The following PARD3 variants were observed in gnomAD, a reference collection of about 807,000 sequenced individuals.
PARD3 encodes the protein par-3 family cell polarity regulator.
A neutral mutation model predicts 155.4 loss-of-function variants in PARD3; 75 were observed. The observed-to-expected ratio is 0.48, with a 90% confidence interval of 0.40 to 0.58. The LOEUF (loss-of-function observed/expected upper bound fraction) is 0.58. Among genes scored for constraint, PARD3 ranks in the 20% least tolerant of loss-of-function variants. PARD3 has a pLI of 0.00. For synonymous variants in PARD3, 576 were observed against 610.5 expected (o/e 0.94, Z 0.83); for missense variants, 1,642 against 1,721.7 (o/e 0.95, Z 0.82).
intron 22 of PARD3, among the ~76,000 whole-genome samples, chr10:34,170,405 C>T (rs974783219): frequency 7.2e-5 from 11 of 152,142 alleles, no homozygotes; most frequent in African/African-American, 2.4e-4. Context: ...CTTCTTCAGT[C>T]ATGGATCTAT....
chr10:34,711,921 C>T (rs2094454682), intron 1 of PARD3, among the ~76,000 whole-genome samples: 2 of 152,144 alleles, frequency 1.3e-5, no homozygotes, highest in Admixed American at 6.5e-5. Flanking sequence ...GGAAACATTT[C>T]AGATGTGGGG....
At chr10:34,389,508 G>A (rs2132069864) in intron 7 of PARD3, among the ~76,000 whole-genome samples, 1 of 152,272 alleles carries the variant, frequency 6.6e-6, no homozygotes, top group East Asian at 1.9e-4. Flanking sequence ...AGTAACAAAT[G>A]TTTTATTGAC....
chr10:34,382,705 G>A lies in PARD3; in HGVS notation c.1234C>T (p.Pro412Ser). Residue 412 changes from proline to serine, a missense_variant, in exon 9 of 25, where the codon CCT becomes TCT. By Grantham distance (74) the Pro-to-Ser change is moderately conservative. Transcript: ENST00000374788. ...VQRAPRLNHP[P>S]EQIDSHSRLP... ...CTTGAGTGAGAGTCTATCTGCTCAG[G>A]CGGGTGGTTCAGTCGGGGTGCTCTC... 6.2e-7 allele frequency: 1 copy of A among 1,614,168 alleles called. No homozygotes were observed. Among genetic ancestry groups the A allele is most frequent in the Admixed American group, 1.7e-5 (1 of 60,016 alleles).
At chr10:34,616,473 A>C (rs1000202269) in intron 2 of PARD3, among the ~76,000 whole-genome samples, 5 of 152,248 alleles carry the variant, frequency 3.3e-5, no homozygotes, top group African/African-American at 4.8e-5. Context: ...AAATATTGGA[A>C]TCAATCTAAG....
At chr10:34,454,566 T>C (rs1182489298) in intron 4 of PARD3, among the ~76,000 whole-genome samples, 1 of 152,152 alleles carries the variant, frequency 6.6e-6, no homozygotes, top group African/African-American at 2.4e-5. Flanking sequence ...TAAAACTTAC[T>C]AATGGCATAA....
intron 22 of PARD3, among the ~76,000 whole-genome samples, chr10:34,193,566 A>G (rs1366129747): frequency 6.6e-6 from 1 of 152,234 alleles, no homozygotes; most frequent in Non-Finnish European, 1.5e-5. Flanking sequence ...TATTATTTGC[A>G]AAGTGCATCT....
At chr10:34,713,715 A>C (rs1478811972) in intron 1 of PARD3, among the ~76,000 whole-genome samples, 1 of 151,902 alleles carries the variant, frequency 6.6e-6, no homozygotes, top group Non-Finnish European at 1.5e-5. Flanking sequence ...GCAGTAAGCT[A>C]TTATCGCATC....
At chr10:34,576,621 AC>A (rs1157096660) in intron 2 of PARD3, among the ~76,000 whole-genome samples, 1 of 152,054 alleles carries the variant, frequency 6.6e-6, no homozygotes, top group East Asian at 1.9e-4. Flanking sequence ...TTAGTGTGTC[AC>A]CCCCTGACTG....
intron 1 of PARD3, among the ~76,000 whole-genome samples, chr10:34,718,369 G>A (rs2094553468): frequency 6.6e-6 from 1 of 151,830 alleles, no homozygotes; most frequent in Non-Finnish European, 1.5e-5. Context: ...GTCAAAACAT[G>A]CACAGTGAGG....
chr10:34,196,501 G>A (rs963322514), intron 22 of PARD3, among the ~76,000 whole-genome samples: 1 of 151,164 alleles, frequency 6.6e-6, no homozygotes, highest in Non-Finnish European at 1.5e-5. Flanking sequence ...TTTCATGACA[G>A]TAGTATTTCT....
intron 1 of PARD3, among the ~76,000 whole-genome samples, chr10:34,792,221 C>A (rs945678924): frequency 1.3e-5 from 2 of 152,138 alleles, no homozygotes; most frequent in Non-Finnish European, 2.9e-5. Context: ...TGGGAGAAGA[C>A]CTGTGGAGAC....
chr10:34,494,273 G>C (rs2080124457), intron 3 of PARD3, among the ~76,000 whole-genome samples: 1 of 152,224 alleles, frequency 6.6e-6, no homozygotes, highest in African/African-American at 2.4e-5. Flanking sequence ...AAAGGGAAAA[G>C]AGAGTGCCTA....
rs1158080569 is a variant in PARD3, at chr10:34,261,781, A to AAAAGAAAGAAAGAAAGAAAGAAAG, written c.3419+7852_3419+7875dup. 6.3e-3 allele frequency among the ~76,000 whole-genome samples: 830 copies of AAAAGAAAGAAAGAAAGAAAGAAAG among 131,932 alleles called. 1 individual carries two copies. The highest frequency in any genetic ancestry group is 8.6e-3 in the Non-Finnish European group (545 of 63,232). 86.6% of individuals were successfully genotyped at this position (131,932 alleles called of 152,430 possible). ...GAAAGGAAGGAAGGAAGAAAGAAAG[A>AAAAGAAAGAAAGAAAGAAAGAAAG]AAAGAAAGAAAGAAAGAAAGAAAGA... is the stretch of plus-strand genomic sequence containing the variant. On this transcript the variant is annotated intron_variant, in intron 22 of 24. Coordinates refer to ENST00000374788, the MANE Select transcript of PARD3 (RefSeq NM_001184785.2).
intron 2 of PARD3, among the ~76,000 whole-genome samples, chr10:34,576,676 C>T (rs1028118235): frequency 5.9e-5 from 9 of 152,088 alleles, no homozygotes; most frequent in Non-Finnish European, 1.2e-4. Flanking sequence ...TGTGAATTTA[C>T]TGGGAACTAA....
Position 34,516,301 on chromosome 10 carries a change from ATCTTC to A in PARD3, c.403+673_403+677del, listed in dbSNP as rs552109367. Among the ~76,000 whole-genome samples, 86 of 152,284 alleles carry A rather than the reference ATCTTC, an allele frequency of 5.6e-4. No individual in the cohort carries two copies. The East Asian group carries it at 8.7e-3, about 15-fold the overall frequency. ...TAACCTTACACATTTATTGAAATTG[ATCTTC>A]TCTTAACAACTGCTCAATTACAAGA... is the stretch of plus-strand genomic sequence containing the variant. On this transcript the variant is annotated intron_variant, in intron 3 of 24. Coordinates refer to ENST00000374788, the MANE Select transcript of PARD3 (RefSeq NM_001184785.2).
At chr10:34,593,863 G>A (rs2088959896) in intron 2 of PARD3, among the ~76,000 whole-genome samples, 1 of 152,096 alleles carries the variant, frequency 6.6e-6, no homozygotes, top group Non-Finnish European at 1.5e-5. Context: ...TTTAAGACTC[G>A]ATATTGTTCT....
At position 34,384,889 on chromosome 10, in the gene PARD3, C is replaced by T. The variant is rs1049588248; in HGVS notation, c.891-635G>A. Among the ~76,000 whole-genome samples the T allele has an allele frequency of 1.6e-4, 24 of 152,118 alleles. 2 individuals carry two copies. Among genetic ancestry groups the T allele is most frequent in the African/African-American group, 4.8e-5 (2 of 41,390 alleles). On this transcript the variant is annotated intron_variant, in intron 7 of 24. Coordinates refer to ENST00000374788, the MANE Select transcript of PARD3 (RefSeq NM_001184785.2). ...AAAAACAAATGACCCAACAGAAAAA[C>T]GTCAGTGAGAGGTTCAAATAATGCC...
At chr10:34,644,465 G>C (rs546134684) in intron 2 of PARD3, among the ~76,000 whole-genome samples, 1 of 152,374 alleles carries the variant, frequency 6.6e-6, no homozygotes, top group African/African-American at 2.4e-5. Flanking sequence ...GCTGGTGCCG[G>C]CTGACATGGC....
chr10:34,217,049 T>A (rs748713895), intron 22 of PARD3, among the ~76,000 whole-genome samples: 1 of 152,222 alleles, frequency 6.6e-6, no homozygotes, highest in South Asian at 2.1e-4. Context: ...CGCTTATCCA[T>A]CAGAGCATCA....
Sources: gnomAD v4.1 joint callset for allele counts (sites outside exome capture counted in the v4.1 genomes callset) on GRCh38, gnomAD v4.1.1 for gene constraint, MANE v1.5 for transcripts, NCBI Gene and HGNC (gene_info 2026-07-23, HGNC 2026-07-21) for gene names.